CIB1: variants seen among roughly 807,000 people sequenced by gnomAD.
CIB1 encodes the protein calcium and integrin-binding protein 1.
CIB1 carries 19 observed loss-of-function variants against 25.0 expected under a neutral mutation model. The ratio of observed to expected loss-of-function variants is 0.76; its 90% CI spans 0.53 to 1.12. CIB1 has a LOEUF of 1.12. Ranked by LOEUF, CIB1 falls within the 50% of genes most tolerant of loss-of-function variation. The pLI is 0.00. For missense variants in CIB1, 236 were observed against 242.6 expected (o/e 0.97, Z 0.18); for synonymous variants, 104 against 98.5 (o/e 1.06, Z -0.33).
At chr15:90,263,932 C>T in the CIB1 span, 17 of 1,506,078 alleles carry the variant, frequency 1.1e-5, no homozygotes, top group East Asian at 2.5e-5. Flanking sequence ...ACATGTTCCC[C>T]GGTACCATCT....
chr15:90,259,813 G>A, the CIB1 span, among the ~76,000 whole-genome samples: 2 of 152,212 alleles, frequency 1.3e-5, no homozygotes, highest in Non-Finnish European at 2.9e-5. Context: ...GTCACCCATT[G>A]TTGTTTTCTT....
At chr15:90,252,920 T>C in the CIB1 span, among the ~76,000 whole-genome samples, 1 of 152,166 alleles carries the variant, frequency 6.6e-6, no homozygotes, top group African/African-American at 2.4e-5. Flanking sequence ...CGAGAATCTC[T>C]TGAACCTGGG....
chr15:90,238,166 GA>G (rs1432731004), upstream of CIB1, among the ~76,000 whole-genome samples: 4 of 152,076 alleles, frequency 2.6e-5, no homozygotes, highest in African/African-American at 9.7e-5. Context: ...CGGGCGTGGT[GA>G]CACACACCTG....
chr15:90,246,750 T>C, the CIB1 span, among the ~76,000 whole-genome samples: 1 of 119,368 alleles, frequency 8.4e-6, no homozygotes, highest in Admixed American at 1.1e-4. Context: ...ATTGAGCCAT[T>C]GCACTCCAGC....
chr15:90,263,286 C>A, the CIB1 span: 1 of 730,080 alleles, frequency 1.4e-6, no homozygotes, highest in Non-Finnish European at 2.2e-6. Flanking sequence ...CTAGCTGGAC[C>A]TTGGGAGAGG....
the CIB1 span, chr15:90,241,925 C>T: frequency 6.2e-7 from 1 of 1,614,104 alleles, no homozygotes; most frequent in East Asian, 2.2e-5. Flanking sequence ...CTGGGCACCT[C>T]CCTGTCAAAA....
At chr15:90,255,435 G>C in the CIB1 span, among the ~76,000 whole-genome samples, 2 of 152,150 alleles carry the variant, frequency 1.3e-5, no homozygotes, top group Non-Finnish European at 2.9e-5. Flanking sequence ...GTTATTGTTA[G>C]AGGACTAGGC....
the CIB1 span, chr15:90,255,785 A>G: frequency 6.2e-7 from 1 of 1,614,018 alleles, no homozygotes; most frequent in East Asian, 2.2e-5. Flanking sequence ...CATGACAGAA[A>G]TCTGCCGCAA....
chr15:90,264,729 C>A, the CIB1 span: 15 of 1,535,968 alleles, frequency 9.8e-6, no homozygotes, highest in South Asian at 1.8e-4. Context: ...GAAGGACAAG[C>A]CAGCAGAAGG....
chr15:90,265,660 G>C, the CIB1 span: 1 of 1,603,926 alleles, frequency 6.2e-7, no homozygotes, highest in South Asian at 1.1e-5. Context: ...GTCTTACCCG[G>C]CTACTTCCGC....
chr15:90,255,950 T>C, the CIB1 span: 10 of 1,609,798 alleles, frequency 6.2e-6, no homozygotes, highest in Non-Finnish European at 8.5e-6. Flanking sequence ...CTCAGAGCTC[T>C]GGTCTTGTGA....
At chr15:90,233,996 G>T (rs1020443128), upstream of CIB1, 5 of 1,246,350 alleles carry the variant, frequency 4.0e-6, no homozygotes, top group Non-Finnish European at 5.3e-6. Context: ...CGCTCCTGGG[G>T]CCACCACCCC....
chr15:90,231,949 A>G (rs1192675594), intron 3 of CIB1, among the ~76,000 whole-genome samples: 1 of 152,222 alleles, frequency 6.6e-6, no homozygotes. Context: ...TCAAACTCTA[A>G]TGAGGTACCT....
At chr15:90,233,772 C>A in intron 1 of CIB1, 63 bp downstream of exon 1, 2 of 1,551,788 alleles carry the variant, frequency 1.3e-6, no homozygotes, top group Non-Finnish European at 1.7e-6. Context: ...CAGCCAGCTC[C>A]CGGACCCTGC....
chr15:90,260,571 G>A, the CIB1 span, among the ~76,000 whole-genome samples: 1,093 of 152,090 alleles, frequency 7.2e-3, 18 homozygotes, highest in African/African-American at 0.024. Context: ...GCAAGCAAGC[G>A]GCCAGGTGCA....
the CIB1 span, chr15:90,257,087 G>T: frequency 6.4e-7 from 1 of 1,562,188 alleles, no homozygotes; most frequent in Admixed American, 1.8e-5. Flanking sequence ...ACAGCACATA[G>T]TAGGCACTTC....
the CIB1 span, among the ~76,000 whole-genome samples, chr15:90,259,807 C>T: frequency 0.018 from 2,694 of 152,310 alleles, 65 homozygotes; most frequent in African/African-American, 0.058. Context: ...GTGTTGGTCA[C>T]CCATTGTTGT....
At chr15:90,263,098 C>T in the CIB1 span, 14 of 1,535,840 alleles carry the variant, frequency 9.1e-6, no homozygotes, top group Non-Finnish European at 1.1e-5. Flanking sequence ...GCTCACCCGT[C>T]TGCAGCACCC....
intron 6 of CIB1, among the ~76,000 whole-genome samples, chr15:90,230,719 AAC>A (rs1468768648): frequency 2.0e-5 from 3 of 151,680 alleles, no homozygotes; most frequent in South Asian, 2.1e-4. Context: ...AATGAGTACA[AAC>A]ACAGAGCAAT....
Sources: gnomAD v4.1 joint callset for allele counts (sites outside exome capture counted in the v4.1 genomes callset) on GRCh38, gnomAD v4.1.1 for gene constraint, MANE v1.5 for transcripts, NCBI Gene and HGNC (gene_info 2026-07-23, HGNC 2026-07-21) for gene names.